Variants in HIP1 observed in about 807,000 individuals in gnomAD.
HIP1 encodes the protein huntingtin interacting protein 1.
Under a neutral mutation model 147.6 loss-of-function variants are expected in HIP1, and 65 were observed. That is an observed-to-expected ratio of 0.44 (90% CI 0.36 to 0.54). The LOEUF (loss-of-function observed/expected upper bound fraction) is 0.54. HIP1 is among the 20% of genes least tolerant of loss of function. The pLI, the probability that HIP1 is intolerant of heterozygous loss-of-function variation, is 0.00. For missense variants in HIP1, 1,061 were observed against 1,299.6 expected (o/e 0.82, Z 2.82); for synonymous variants, 479 against 504.0 (o/e 0.95, Z 0.67).
intron 1 of HIP1, among the ~76,000 whole-genome samples, chr7:75,717,625 A>G (rs1801360453): frequency 6.9e-6 from 1 of 144,182 alleles, no homozygotes; most frequent in African/African-American, 2.6e-5. Flanking sequence ...CGAGGTCCGG[A>G]GTTCAAGACC....
intron 1 of HIP1, among the ~76,000 whole-genome samples, chr7:75,651,866 G>A (rs976780012): frequency 6.6e-6 from 1 of 151,774 alleles, no homozygotes; most frequent in Non-Finnish European, 1.5e-5. Flanking sequence ...TTAAAGCACT[G>A]GGCATGGTGG....
At chr7:75,604,225 T>A (rs1797128789) in intron 1 of HIP1, among the ~76,000 whole-genome samples, 1 of 152,040 alleles carries the variant, frequency 6.6e-6, no homozygotes, top group Admixed American at 6.6e-5. Context: ...TTGTCTGCAG[T>A]CAGAAAGGAC....
chr7:75,738,665 G>A (rs531496804), intron 1 of HIP1, 136 bp downstream of exon 1: 13 of 1,124,930 alleles, frequency 1.2e-5, no homozygotes, highest in South Asian at 6.0e-5. Flanking sequence ...AGATCTGCAC[G>A]TCAATGCCCC....
intron 1 of HIP1, among the ~76,000 whole-genome samples, chr7:75,639,595 G>T (rs903130874): frequency 6.6e-6 from 1 of 151,838 alleles, no homozygotes; most frequent in African/African-American, 2.4e-5. Flanking sequence ...GTGTGTGTGC[G>T]CCCGCGTGTG....
At chr7:75,574,009 G>A (rs1457004397) in intron 7 of HIP1, 108 bp from the exon 8 acceptor site, 2 of 897,698 alleles carry the variant, frequency 2.2e-6, no homozygotes, top group Non-Finnish European at 3.4e-6. Flanking sequence ...CCGATTCTGT[G>A]CGTGCTTTAC....
At chr7:75,586,566 C>T (rs917008713) in intron 5 of HIP1, among the ~76,000 whole-genome samples, 187 bp downstream of exon 5, 6 of 152,140 alleles carry the variant, frequency 3.9e-5, no homozygotes, top group African/African-American at 1.4e-4. Flanking sequence ...AAATCCCAGC[C>T]TTCGTCACAC....
At chr7:75,604,725 T>C (rs1797152760) in intron 1 of HIP1, among the ~76,000 whole-genome samples, 1 of 151,906 alleles carries the variant, frequency 6.6e-6, no homozygotes, top group Non-Finnish European at 1.5e-5. Context: ...AGAAAAATGG[T>C]AGAAACTGCT....
intron 1 of HIP1, among the ~76,000 whole-genome samples, chr7:75,698,592 A>G (rs1563300315): frequency 6.6e-6 from 1 of 152,144 alleles, no homozygotes; most frequent in Non-Finnish European, 1.5e-5. Context: ...CCAAGGCAGG[A>G]GGATCACTTG....
chr7:75,679,941 GCAGA>G (rs782135265), intron 1 of HIP1, among the ~76,000 whole-genome samples: 3 of 152,168 alleles, frequency 2.0e-5, no homozygotes, highest in Non-Finnish European at 2.9e-5. Flanking sequence ...TCTTTCGGCT[GCAGA>G]CAAAGCCAGC....
intron 1 of HIP1, among the ~76,000 whole-genome samples, chr7:75,723,006 A>G (rs891953869): frequency 6.6e-6 from 1 of 152,174 alleles, no homozygotes; most frequent in African/African-American, 2.4e-5. Flanking sequence ...GCAGCGAGAC[A>G]TGGGACCCAT....
chr7:75,727,099 A>T (rs868958384), intron 1 of HIP1, among the ~76,000 whole-genome samples: 3 of 150,738 alleles, frequency 2.0e-5, no homozygotes, highest in South Asian at 4.2e-4. Flanking sequence ...ATTTTTTTTT[A>T]AATTAAGTTT....
At chr7:75,618,487 A>G (rs1417591103) in intron 1 of HIP1, among the ~76,000 whole-genome samples, 2 of 151,934 alleles carry the variant, frequency 1.3e-5, no homozygotes, top group Non-Finnish European at 2.9e-5. Flanking sequence ...GGGTTTCACC[A>G]TGTTGGCCAG....
intron 1 of HIP1, among the ~76,000 whole-genome samples, chr7:75,661,205 G>A (rs1203058724): frequency 4.0e-5 from 6 of 151,628 alleles, no homozygotes; most frequent in Non-Finnish European, 8.8e-5. Flanking sequence ...TTGAGCCTGG[G>A]AGGTCAAGGC....
intron 7 of HIP1, among the ~76,000 whole-genome samples, chr7:75,579,893 T>C (rs1486047883): frequency 2.0e-5 from 3 of 151,940 alleles, no homozygotes; most frequent in African/African-American, 7.3e-5. Flanking sequence ...TCTTTCAGAG[T>C]TGGATGCTTG....
chr7:75,639,795 G>C (rs991209665), intron 1 of HIP1, among the ~76,000 whole-genome samples: 10 of 152,096 alleles, frequency 6.6e-5, no homozygotes, highest in Admixed American at 6.5e-5. Context: ...GGGAATTCAC[G>C]GCCAGTTGTT....
At position 75,738,883 on chromosome 7, in the gene HIP1, T is replaced by C; in HGVS notation, c.38A>G (p.Asn13Ser). 2 of 1,569,280 alleles carry C rather than the reference T, an allele frequency of 1.3e-6. No homozygotes were observed. Among genetic ancestry groups the C allele is most frequent in the Admixed American group, 1.8e-5 (1 of 54,098 alleles). The change falls in exon 1 of 31, where the codon AAC becomes AGC. Residue 13 changes from asparagine (N) to serine (S), a missense_variant. By Grantham distance (46) the Asn-to-Ser change is conservative. Coordinates refer to ENST00000336926, the MANE Select transcript of HIP1 (RefSeq NM_005338.7). ...CCGGCTCAGCACCTTGGGCAGTGGGTTGGGCACCTGCTTCATGGAGCTGGC... is the reference window on the plus strand; with the variant it reads ...CCGGCTCAGCACCTTGGGCAGTGGGCTGGGCACCTGCTTCATGGAGCTGGC... ...RMASSMKQVP[N>S]PLPKVLSRRG...
At chr7:75,666,147 GC>G (rs1799553576) in intron 1 of HIP1, among the ~76,000 whole-genome samples, 1 of 151,596 alleles carries the variant, frequency 6.6e-6, no homozygotes, top group Non-Finnish European at 1.5e-5. Context: ...TTTTAATCAT[GC>G]TTTATTAATT....
At chr7:75,570,395 C>A (rs1354110393) in intron 8 of HIP1, among the ~76,000 whole-genome samples, 1 of 151,304 alleles carries the variant, frequency 6.6e-6, no homozygotes, top group Non-Finnish European at 1.5e-5. Context: ...GGGCTCACAC[C>A]ATTCTGCTGC....
intron 1 of HIP1, among the ~76,000 whole-genome samples, chr7:75,729,085 A>G (rs1490281124): frequency 5.3e-5 from 8 of 151,216 alleles, no homozygotes; most frequent in Non-Finnish European, 1.0e-4. Context: ...AAAGTTGAGG[A>G]AAAAAAGTGT....
Sources: allele counts gnomAD v4.1 joint callset (sites outside exome capture counted in the v4.1 genomes callset), GRCh38; gene constraint gnomAD v4.1.1; transcripts MANE v1.5; gene names NCBI Gene and HGNC (gene_info 2026-07-23, HGNC 2026-07-21).